The following WDHD1 variants were observed in gnomAD, a reference collection of about 807,000 sequenced individuals.
The protein encoded by WDHD1 is WD repeat and HMG-box DNA-binding protein 1.
A neutral mutation model predicts 135.4 loss-of-function variants in WDHD1; 111 were observed. That is an observed-to-expected ratio of 0.82 (90% CI 0.70 to 0.96). The LOEUF (loss-of-function observed/expected upper bound fraction) is 0.96. Ranked by LOEUF, WDHD1 falls within the 40% of genes least tolerant of loss-of-function variation. WDHD1 has a pLI of 0.00. For synonymous variants in WDHD1, 434 were observed against 439.0 expected (o/e 0.99, Z 0.14); for missense variants, 1,351 against 1,336.3 (o/e 1.01, Z -0.17).
At chr14:55,017,045 T>C (rs2042272228) in intron 2 of WDHD1, among the ~76,000 whole-genome samples, 1 of 152,252 alleles carries the variant, frequency 6.6e-6, no homozygotes, top group African/African-American at 2.4e-5. Context: ...TAGTTTACTC[T>C]TCAGTTCATG....
Position 54,957,328 on chromosome 14 carries a change from A to C in WDHD1, c.2746-124T>G, listed in dbSNP as rs540712687. On this transcript the variant is annotated intron_variant, in intron 22 of 25. Transcript: ENST00000360586. ...CCATCTCATCTTTAGAACTAAATAC[A>C]TTTGGTACAATCCAAATTAAGAATG... is the stretch of plus-strand genomic sequence containing the variant. The C allele has an allele frequency of 2.4e-4, 256 of 1,054,806 alleles. No homozygotes were observed. In the African/African-American group the frequency reaches 3.5e-3, roughly 15 times the overall value. The allele number at this position is 1,054,806 out of a possible 1,614,324, so 65.3% of individuals were successfully genotyped here. A position where few individuals can be genotyped will look rare whatever the true frequency, so the allele number is the denominator to read the frequency against.
chr14:54,999,884 G>A (rs1216581928), intron 10 of WDHD1, among the ~76,000 whole-genome samples: 1 of 152,184 alleles, frequency 6.6e-6, no homozygotes. Flanking sequence ...GTGAGTCACT[G>A]CAGCAGAGCT....
chr14:54,998,947 C>T (rs767458116), intron 10 of WDHD1, among the ~76,000 whole-genome samples: 4 of 152,134 alleles, frequency 2.6e-5, no homozygotes, highest in Non-Finnish European at 5.9e-5. Context: ...TCACTTAATC[C>T]TCCCAATAAC....
intron 21 of WDHD1, among the ~76,000 whole-genome samples, chr14:54,958,561 C>T (rs766501251): frequency 3.9e-5 from 6 of 152,234 alleles, no homozygotes; most frequent in Non-Finnish European, 7.3e-5. Context: ...TCAGTGATCT[C>T]TACATTGTCA....
chr14:54,962,442 T>A (rs1261912715), intron 21 of WDHD1, 56 bp downstream of exon 21: 4 of 1,348,276 alleles, frequency 3.0e-6, no homozygotes, highest in Non-Finnish European at 3.2e-6. Context: ...GATGTGTCAC[T>A]TTGCAGATGA....
At position 54,984,753 on chromosome 14, in the gene WDHD1, A is replaced by G; in HGVS notation, c.1876T>C (p.Tyr626His). 1 of 1,613,570 alleles carries G rather than the reference A, an allele frequency of 6.2e-7. No homozygotes were observed. Among genetic ancestry groups the G allele is most frequent in the Non-Finnish European group, 8.5e-7 (1 of 1,179,850 alleles). Residue 626 changes from tyrosine to histidine, a missense_variant, in exon 15 of 26, where the codon TAC becomes CAC. Physicochemically the swap from Tyr to His is moderately conservative, Grantham distance 83 (BLOSUM62 2). Transcript: ENST00000360586. ...GCTGAAAACCCAATCCATGCAAGGT[A>G]GGATTTCCTTGTAAGAGGAAGAGGG... Reference protein sequence around the residue: ...GDPLPLTRKSYLAWIGFSAEG... With the variant: ...GDPLPLTRKSHLAWIGFSAEG...
At chr14:54,988,090 T>C (rs1480944024) in intron 13 of WDHD1, among the ~76,000 whole-genome samples, 1 of 152,212 alleles carries the variant, frequency 6.6e-6, no homozygotes, top group Non-Finnish European at 1.5e-5. Flanking sequence ...TCTGCACCCA[T>C]TGCTTTCCCA....
intron 10 of WDHD1, among the ~76,000 whole-genome samples, chr14:54,998,298 T>C (rs527850373): frequency 1.3e-5 from 2 of 152,112 alleles, no homozygotes; most frequent in South Asian, 4.2e-4. Context: ...CCCAGCTAAT[T>C]TTTGTATTTT....
rs148864034 is a variant in WDHD1 at position 54,954,336 on chromosome 14, A to G, written c.3050+1225T>C. 1.8e-3 allele frequency among the ~76,000 whole-genome samples: 279 copies of G among 152,226 alleles called. 1 individual carries two copies. In the South Asian group the frequency reaches 0.028, roughly 15 times the overall value. On this transcript the variant is annotated intron_variant, in intron 24 of 25. Transcript: ENST00000360586. ...AATCCAGCATAGTAGAGATCAAGAA[A>G]ATAGGTAACATACTGTGTTTGTGGA...
intron 7 of WDHD1, among the ~76,000 whole-genome samples, chr14:55,006,155 C>A (rs539334806): frequency 6.6e-6 from 1 of 152,264 alleles, no homozygotes; most frequent in African/African-American, 2.4e-5. Flanking sequence ...TGAGCCACCA[C>A]ACATAGGCTG....
At chr14:55,003,640 T>C (rs1223665346) in intron 7 of WDHD1, among the ~76,000 whole-genome samples, 4 of 150,810 alleles carry the variant, frequency 2.7e-5, no homozygotes, top group Non-Finnish European at 2.9e-5. Context: ...CTTGGCTCAC[T>C]GCAACCTCTG....
intron 24 of WDHD1, among the ~76,000 whole-genome samples, chr14:54,948,161 G>A (rs1193744055): frequency 6.6e-6 from 1 of 152,084 alleles, no homozygotes; most frequent in Non-Finnish European, 1.5e-5. Context: ...ACTTCCAACT[G>A]AGGTACCAGG....
intron 24 of WDHD1, among the ~76,000 whole-genome samples, chr14:54,950,917 A>C (rs1299625410): frequency 1.3e-5 from 2 of 152,234 alleles, no homozygotes; most frequent in African/African-American, 4.8e-5. Context: ...TAACGAAATG[A>C]AGGCAGAAAT....
rs767847859 is a variant in WDHD1, at chr14:54,966,449, G to A, written c.2310+26C>T. On this transcript the variant is annotated intron_variant, in intron 18 of 25. Coordinates refer to ENST00000360586, the MANE Select transcript of WDHD1 (RefSeq NM_007086.4). Reference sequence around the variant, plus strand: ...CTATAGAAAAGCATTTAACTTTAACGTTTTCAGTATATTTATTTTACTCAC... The same window carrying A: ...CTATAGAAAAGCATTTAACTTTAACATTTTCAGTATATTTATTTTACTCAC... 31 of 1,581,966 alleles carry A rather than the reference G, an allele frequency of 2.0e-5. No homozygotes were observed. In the South Asian group the frequency reaches 2.0e-4, roughly 10 times the overall value.
At chr14:54,953,613 C>G (rs2041100167) in intron 24 of WDHD1, among the ~76,000 whole-genome samples, 1 of 152,160 alleles carries the variant, frequency 6.6e-6, no homozygotes. Flanking sequence ...CCAGCAATCC[C>G]ATTACTGGGT....
intron 14 of WDHD1, among the ~76,000 whole-genome samples, chr14:54,986,604 A>T (rs1247884836): frequency 3.3e-5 from 5 of 152,246 alleles, no homozygotes. Flanking sequence ...CCAACAAAAA[A>T]GTAAAAAGGG....
intron 16 of WDHD1, among the ~76,000 whole-genome samples, chr14:54,968,508 A>G (rs1245329749): frequency 6.6e-6 from 1 of 152,194 alleles, no homozygotes; most frequent in Non-Finnish European, 1.5e-5. Flanking sequence ...AATAACTAAA[A>G]TAACAGCAGA....
At chr14:54,979,987 T>A (rs550451890) in intron 16 of WDHD1, among the ~76,000 whole-genome samples, 2 of 152,334 alleles carry the variant, frequency 1.3e-5, no homozygotes, top group Admixed American at 6.5e-5. Context: ...ATGATTCACA[T>A]AATATTGAGT....
In WDHD1 at chr14:54,955,812, T is replaced by C. The variant is rs575684214; in HGVS notation, c.2917-118A>G. On this transcript the variant is annotated intron_variant, in intron 23 of 25. Coordinates refer to ENST00000360586, the MANE Select transcript of WDHD1 (RefSeq NM_007086.4). ...ATTATTGAGAATTCTTATACTAACATGTGAAATCTGGAGTTCTCAGTTGTA... is the reference window on the plus strand; with the variant it reads ...ATTATTGAGAATTCTTATACTAACACGTGAAATCTGGAGTTCTCAGTTGTA... 1.0e-5 allele frequency: 10 copies of C among 979,872 alleles called. No individual in the cohort carries two copies. In the African/African-American group the frequency reaches 1.2e-4, roughly 12 times the overall value. The allele number at this position is 979,872 out of a possible 1,614,324, so 60.7% of individuals were successfully genotyped here.
Sources: allele counts gnomAD v4.1 joint callset (sites outside exome capture counted in the v4.1 genomes callset), GRCh38; gene constraint gnomAD v4.1.1; transcripts MANE v1.5; gene names NCBI Gene and HGNC (gene_info 2026-07-23, HGNC 2026-07-21).